Variants in ASH1L observed in about 807,000 individuals in gnomAD.
The protein encoded by ASH1L is ASH1 like histone lysine methyltransferase.
Under a neutral mutation model 269.0 loss-of-function variants are expected in ASH1L, and 23 were observed. That is an observed-to-expected ratio of 0.09 (90% CI 0.06 to 0.12). The LOEUF (loss-of-function observed/expected upper bound fraction) is 0.12. Among genes scored for constraint, ASH1L ranks in the 10% least tolerant of loss-of-function variants. The pLI, the probability that ASH1L is intolerant of heterozygous loss-of-function variation, is 1.00. For missense variants in ASH1L, 2,912 were observed against 3,567.8 expected (o/e 0.82, Z 4.68); for synonymous variants, 1,187 against 1,253.5 (o/e 0.95, Z 1.12).
Position 155,480,893 on chromosome 1 carries a change from T to C in ASH1L, c.1977A>G (p.Glu659=), listed in dbSNP as rs1665908172. 1 of 1,613,836 alleles carries C rather than the reference T, an allele frequency of 6.2e-7. No homozygotes were observed. Among genetic ancestry groups the C allele is most frequent in the African/African-American group, 1.3e-5 (1 of 74,902 alleles). ...SLGKKPSLTS[E]SSIHTITPSV... ...AAGGAGTAATAGTATGAATGCTGGA[T>C]TCAGAAGTCAAACTTGGCTTTTTTC... The change falls in exon 3 of 28, where the codon GAA becomes GAG. Residue 659 remains glutamate, a synonymous_variant. Transcript: ENST00000392403.
At chr1:155,542,124 G>A (rs1670462788) in intron 1 of ASH1L, among the ~76,000 whole-genome samples, 1 of 148,562 alleles carries the variant, frequency 6.7e-6, no homozygotes, top group Non-Finnish European at 1.5e-5. Context: ...AAAAGAGGGG[G>A]AGGGGGATAG....
chr1:155,337,749 T>C lies in ASH1L; in HGVS notation c.8806A>G (p.Ile2936Val), dbSNP rs1652432182. 1.2e-6 allele frequency: 2 copies of C among 1,613,800 alleles called. No individual in the cohort carries two copies. Among genetic ancestry groups the C allele is most frequent in the Non-Finnish European group, 1.7e-6 (2 of 1,179,768 alleles). Residue 2936 changes from isoleucine to valine, a missense_variant and splice_region_variant, in exon 28 of 28, where the codon ATT (isoleucine) becomes GTT (valine). By Grantham distance (29) the Ile-to-Val change is conservative (BLOSUM62 3). Around this residue, in one of 13 missense-constraint regions of ASH1L, gnomAD observed 154 missense variants for 165.0 expected, o/e 0.93. Transcript: ENST00000392403. ...TCCTCCAGCAAGTAGGTCACATCAA[T>C]GGCTGAAAACAGAACCAAGGAGGCT... ...LLEKIPGKNA[I>V]DVTYLLEEGS...
chr1:155,425,095 C>G (rs7517777), intron 5 of ASH1L, among the ~76,000 whole-genome samples: 7,935 of 150,998 alleles, frequency 0.053, 699 homozygotes, highest in African/African-American at 0.18. Flanking sequence ...TCAGCCTCCT[C>G]AGTAGCTGTG....
chr1:155,535,657 A>G (rs1670003122), intron 1 of ASH1L, among the ~76,000 whole-genome samples: 1 of 151,932 alleles, frequency 6.6e-6, no homozygotes, highest in Non-Finnish European at 1.5e-5. Flanking sequence ...TAAAAAAAAA[A>G]AAAAAAAGTA....
chr1:155,381,342 C>A (rs950810191), intron 7 of ASH1L, among the ~76,000 whole-genome samples: 6 of 151,038 alleles, frequency 4.0e-5, no homozygotes, highest in African/African-American at 1.2e-4. Flanking sequence ...ATCACGAGGT[C>A]AGGCATTAGA....
intron 1 of ASH1L, among the ~76,000 whole-genome samples, chr1:155,550,711 T>C (rs950258714): frequency 1.3e-5 from 2 of 152,190 alleles, no homozygotes; most frequent in Non-Finnish European, 2.9e-5. Flanking sequence ...ATCAAAATGC[T>C]AGGACATATT....
intron 6 of ASH1L, among the ~76,000 whole-genome samples, chr1:155,397,466 C>G (rs58030357): frequency 6.7e-6 from 1 of 148,282 alleles, no homozygotes; most frequent in South Asian, 2.1e-4. Flanking sequence ...CATTGTACTA[C>G]AGCCTAGACA....
chr1:155,355,465 T>C (rs1018486036), intron 15 of ASH1L, among the ~76,000 whole-genome samples: 1 of 152,252 alleles, frequency 6.6e-6, no homozygotes, highest in African/African-American at 2.4e-5. Flanking sequence ...AGATGTGATC[T>C]TGGATAAATC....
chr1:155,437,206 G>A (rs1017609738), intron 5 of ASH1L, among the ~76,000 whole-genome samples: 5 of 152,204 alleles, frequency 3.3e-5, no homozygotes, highest in South Asian at 2.1e-4. Flanking sequence ...CTTATATGCC[G>A]GTTAAGAGAA....
At chr1:155,402,388 G>A (rs1316451286) in intron 6 of ASH1L, among the ~76,000 whole-genome samples, 3 of 151,832 alleles carry the variant, frequency 2.0e-5, no homozygotes, top group Non-Finnish European at 4.4e-5. Context: ...CAAGGAATAC[G>A]GCACTTTTAG....
chr1:155,345,571 C>G (rs1451552872), intron 21 of ASH1L, among the ~76,000 whole-genome samples: 1 of 104,934 alleles, frequency 9.5e-6, no homozygotes, highest in Non-Finnish European at 1.9e-5. Context: ...CCATGCCCAG[C>G]TTTTTTTTTT....
chr1:155,519,773 C>T (rs529597126), intron 2 of ASH1L, among the ~76,000 whole-genome samples: 32 of 152,104 alleles, frequency 2.1e-4, no homozygotes, highest in African/African-American at 7.7e-4. Context: ...ATTCTCCTGC[C>T]TCAGCCTCCC....
chr1:155,365,372 A>AT (rs142145021), intron 12 of ASH1L, among the ~76,000 whole-genome samples: 5,298 of 124,108 alleles, frequency 0.043, 220 homozygotes, highest in African/African-American at 0.11. Flanking sequence ...TGCCCGGCTG[A>AT]TTTTTTTTTT....
chr1:155,542,271 C>T (rs770182846), intron 1 of ASH1L, among the ~76,000 whole-genome samples: 1 of 152,144 alleles, frequency 6.6e-6, no homozygotes, highest in South Asian at 2.1e-4. Context: ...CATTTTGGGC[C>T]ACGCACGGTG....
At chr1:155,449,810 C>T (rs751131426) in intron 4 of ASH1L, among the ~76,000 whole-genome samples, 21 of 151,940 alleles carry the variant, frequency 1.4e-4, no homozygotes, top group African/African-American at 4.6e-4. Context: ...TGAGCCACTG[C>T]GCCCAGCCGA....
In ASH1L at chr1:155,348,884, T is replaced by TA. The variant is rs66853194; in HGVS notation, c.7554+442dup. ...TGACAGAGCAAGATTCTGTCTCATTTAAAAAAAAAAAAAAAATATATATAT... is the reference window on the plus strand; with the variant it reads ...TGACAGAGCAAGATTCTGTCTCATTTAAAAAAAAAAAAAAAAATATATATAT... On this transcript the variant is annotated intron_variant, in intron 19 of 27. Coordinates refer to ENST00000392403, the MANE Select transcript of ASH1L (RefSeq NM_018489.3). Among the ~76,000 whole-genome samples, 278 of 91,854 alleles carry TA rather than the reference T, an allele frequency of 3.0e-3. 1 individual carries two copies. Among genetic ancestry groups the TA allele is most frequent in the African/African-American group, 0.01 (250 of 24,974 alleles). 60.3% of individuals were successfully genotyped at this position (91,854 alleles called of 152,430 possible). A position where few individuals can be genotyped will look rare whatever the true frequency, so the allele number is the denominator to read the frequency against.
intron 1 of ASH1L, among the ~76,000 whole-genome samples, chr1:155,559,247 C>T (rs1671797910): frequency 6.6e-6 from 1 of 152,028 alleles, no homozygotes; most frequent in East Asian, 1.9e-4. Context: ...TATACAAAAA[C>T]ACCAGATGAG....
At chr1:155,452,842 C>T (rs1226135531) in intron 4 of ASH1L, among the ~76,000 whole-genome samples, 1 of 152,172 alleles carries the variant, frequency 6.6e-6, no homozygotes, top group Non-Finnish European at 1.5e-5. Context: ...CAGGTGTGAG[C>T]CACCACGTCT....
At chr1:155,487,088 C>T (rs1177487243) in intron 2 of ASH1L, among the ~76,000 whole-genome samples, 1 of 152,102 alleles carries the variant, frequency 6.6e-6, no homozygotes, top group African/African-American at 2.4e-5. Flanking sequence ...TCGCTTGAAC[C>T]CAGGAGGCGG....
Sources: gnomAD v4.1 joint callset for allele counts (sites outside exome capture counted in the v4.1 genomes callset) on GRCh38, gnomAD v4.1.1 for gene constraint, gnomAD v4.1.1 regional missense constraint, MANE v1.5 for transcripts, NCBI Gene and HGNC (gene_info 2026-07-23, HGNC 2026-07-21) for gene names.